The following DYNC1H1 variants were observed in gnomAD, a reference collection of about 807,000 sequenced individuals.
DYNC1H1 encodes cytoplasmic dynein 1 heavy chain 1.
A neutral mutation model predicts 527.1 loss-of-function variants in DYNC1H1; 51 were observed. The ratio of observed to expected loss-of-function variants is 0.10; its 90% confidence interval spans 0.08 to 0.12. The LOEUF (loss-of-function observed/expected upper bound fraction) is 0.12, where lower values mean the gene tolerates loss of function less well. DYNC1H1 is among the 10% of genes least tolerant of loss of function. The probability of loss-of-function intolerance (pLI) is 1.00; values close to 1 mark genes in which losing one functional copy is unlikely to be tolerated. For missense variants in DYNC1H1, 2,771 were observed against 5,971.8 expected (o/e 0.46, Z 17.66); for synonymous variants, 2,189 against 2,278.8 (o/e 0.96, Z 1.12).
In DYNC1H1 at chr14:101,997,237, A is replaced by G; in HGVS notation, c.3767A>G (p.Asp1256Gly). The change falls in exon 16 of 78, where the codon GAC (aspartate) becomes GGC (glycine). Residue 1256 changes from aspartate (D) to glycine (G), a missense_variant. This residue lies in a region of DYNC1H1 where 223 missense variants were observed against 462.5 expected (regional missense o/e 0.48). Transcript: ENST00000360184. The surrounding 1 kb of genome is among the most constrained non-coding windows in gnomAD (Gnocchi z 4.8). Reference sequence around the variant, plus strand: ...CGGGCCGTGGAAAGCCGCACCACCGACCTGCTGACTGACTGGGAGAAGACC... The same window carrying G: ...CGGGCCGTGGAAAGCCGCACCACCGGCCTGCTGACTGACTGGGAGAAGACC... The part of the protein sequence containing the change: ...EDRAVESRTT[D>G]LLTDWEKTKP... The G allele has an allele frequency of 1.9e-6, 3 of 1,613,940 alleles. No individual in the cohort carries two copies. Among genetic ancestry groups the G allele is most frequent in the Non-Finnish European group, 2.5e-6 (3 of 1,179,962 alleles).
chr14:102,040,813 G>A, intron 64 of DYNC1H1, 140 bp downstream of exon 64: 1 of 1,025,864 alleles, frequency 9.7e-7, no homozygotes, highest in Non-Finnish European at 1.5e-6. Context: ...TAAAACCTTA[G>A]CCAGGCGTGG....
intron 69 of DYNC1H1, 114 bp from the exon 70 acceptor site, chr14:102,043,761 C>T (rs17541582): frequency 0.026 from 37,222 of 1,451,180 alleles, 634 homozygotes; most frequent in Middle Eastern, 0.038. Flanking sequence ...AATCTGCTGC[C>T]ATCGTCAGGA....
rs1269645683 is a variant in DYNC1H1, at chr14:102,005,428, G to A, written c.5433+192G>A. On this transcript the variant is annotated intron_variant, in intron 26 of 77. Transcript: ENST00000360184. The surrounding 1 kb of genome is among the most constrained non-coding windows in gnomAD (Gnocchi z 4.0). ...GAAAGGTAATCTCAGGGGCATGCAG[G>A]GGTTACGCGACATCACGGTAGAGAG... Among the ~76,000 whole-genome samples the A allele has an allele frequency of 6.6e-6, 1 of 152,212 alleles. No homozygotes were observed. Among genetic ancestry groups the A allele is most frequent in the East Asian group, 1.9e-4 (1 of 5,196 alleles).
intron 2 of DYNC1H1, among the ~76,000 whole-genome samples, chr14:101,977,097 A>T (rs2047809686): frequency 6.6e-6 from 1 of 152,218 alleles, no homozygotes; most frequent in Admixed American, 6.5e-5. Flanking sequence ...TTTCATTATT[A>T]CAGATAACTA....
intron 69 of DYNC1H1, 127 bp from the exon 70 acceptor site, chr14:102,043,748 G>A: frequency 7.5e-7 from 1 of 1,327,108 alleles, no homozygotes. Context: ...CAGTACTCAT[G>A]TGAATCTGCT....
chr14:101,999,081 A>ACC (rs2048100981), intron 16 of DYNC1H1, among the ~76,000 whole-genome samples: 1 of 151,926 alleles, frequency 6.6e-6, no homozygotes, highest in East Asian at 1.9e-4. Flanking sequence ...ACGGGGTTTC[A>ACC]ATGTGTTAGC....
Position 101,964,877 on chromosome 14 carries a change from G to T in DYNC1H1, c.186G>T (p.Leu62=). 6.3e-7 allele frequency: 1 copy of T among 1,598,870 alleles called. No individual in the cohort carries two copies. The highest frequency in any genetic ancestry group is 1.1e-5 in the South Asian group (1 of 89,210). Residue 62 remains leucine, a synonymous_variant, in exon 1 of 78, where the codon CTG becomes CTT. Transcript: ENST00000360184. This position sits in a 1 kb window ranked among gnomAD's most constrained non-coding sequence, Gnocchi z 5.5. ...LEAALEEKSA[L]EQMRKFLSDP... is the part of the protein sequence containing the mutation. ...CGGCGCTGGAGGAGAAGAGCGCCCT[G>T]GAGCAGATGCGCAAGTTCCTTTCGG...
chr14:102,003,515 G>C (rs1457959403), intron 23 of DYNC1H1, among the ~76,000 whole-genome samples: 1 of 152,152 alleles, frequency 6.6e-6, no homozygotes, highest in Non-Finnish European at 1.5e-5. Flanking sequence ...GCTCACCTAA[G>C]TCACCTAAGT....
intron 73 of DYNC1H1, 26 bp from the exon 74 acceptor site, chr14:102,048,490 C>T (rs776960198): frequency 5.0e-5 from 80 of 1,613,960 alleles, no homozygotes; most frequent in Non-Finnish European, 5.2e-5. Context: ...TTCCTAACTT[C>T]TCTTCACCCT....
chr14:102,027,325 G>T lies in DYNC1H1; in HGVS notation c.8886+37G>T, dbSNP rs2048462210. The T allele has an allele frequency of 1.2e-6, 2 of 1,614,100 alleles. No individual in the cohort carries two copies. The highest frequency in any genetic ancestry group is 4.5e-5 in the East Asian group (2 of 44,868). ...CGGTGGCCTCTTAATCCCAGCAACAGATGTGTGTGCAGAGCTCAGTGAGTA... is the reference window on the plus strand; with the variant it reads ...CGGTGGCCTCTTAATCCCAGCAACATATGTGTGTGCAGAGCTCAGTGAGTA... On this transcript the variant is annotated intron_variant, in intron 45 of 77. Transcript: ENST00000360184. This position sits in a 1 kb window ranked among gnomAD's most constrained non-coding sequence, Gnocchi z 7.7.
At chr14:102,026,490 A>G in intron 43 of DYNC1H1, 84 bp from the exon 44 acceptor site, 3 of 1,450,856 alleles carry the variant, frequency 2.1e-6, no homozygotes, top group South Asian at 2.4e-5. Flanking sequence ...CAGTTTCTTC[A>G]TGGTATGTGG....
chr14:102,024,717 T>TG (rs1567015902), intron 43 of DYNC1H1, among the ~76,000 whole-genome samples: 1 of 135,248 alleles, frequency 7.4e-6, no homozygotes, highest in Non-Finnish European at 1.5e-5. Flanking sequence ...TTTTTGGAGA[T>TG]GGAGTCTCGC....
In DYNC1H1 at chr14:102,016,782, A is replaced by G. The variant is rs2048328326; in HGVS notation, c.7631A>G (p.Glu2544Gly). ...IIDYEVSISG[E>G]WSPWQAKVPQ... Reference sequence around the variant, plus strand: ...CGTGTGTAGGTGTCCATCAGCGGAGAATGGTCTCCGTGGCAGGCCAAGGTG... The same window carrying G: ...CGTGTGTAGGTGTCCATCAGCGGAGGATGGTCTCCGTGGCAGGCCAAGGTG... The change falls in exon 38 of 78, where the codon GAA becomes GGA. Residue 2544 changes from glutamate (E) to glycine (G), a missense_variant. Around this residue, in one of 32 missense-constraint regions of DYNC1H1, gnomAD observed 71 missense variants for 143.6 expected, o/e 0.49. Transcript: ENST00000360184. The surrounding 1 kb of genome is among the most constrained non-coding windows in gnomAD (Gnocchi z 7.3). 1 of 1,613,718 alleles carries G rather than the reference A, an allele frequency of 6.2e-7. No homozygotes were observed. Among genetic ancestry groups the G allele is most frequent in the African/African-American group, 1.3e-5 (1 of 74,934 alleles).
At chr14:102,021,052 A>G (rs1020770828) in intron 42 of DYNC1H1, among the ~76,000 whole-genome samples, 1 of 151,912 alleles carries the variant, frequency 6.6e-6, no homozygotes. Flanking sequence ...TATTGTTGCT[A>G]TGTCAGCTAC....
chr14:101,989,975 A>G (rs896393123), intron 10 of DYNC1H1, among the ~76,000 whole-genome samples: 4 of 152,216 alleles, frequency 2.6e-5, no homozygotes, highest in Admixed American at 2.0e-4. Context: ...AGTTGCCTAC[A>G]GTATTCAGTA....
rs559503159 is a variant in DYNC1H1, at chr14:102,030,123, C to T, written c.9763-39C>T. The stretch of plus-strand genomic sequence containing the variant: ...TTTAGAATTTAGTCAGCAAATTAAC[C>T]AATGCTTAACCCATACCTAAGCCAT... On this transcript the variant is annotated intron_variant, in intron 50 of 77. Coordinates refer to ENST00000360184, the MANE Select transcript of DYNC1H1 (RefSeq NM_001376.5). 7.4e-6 allele frequency: 12 copies of T among 1,613,658 alleles called. No homozygotes were observed. The South Asian group carries it at 1.3e-4, about 18-fold the overall frequency.
In DYNC1H1 at chr14:102,018,341, A is replaced by G; in HGVS notation, c.8178-110A>G. 6.7e-7 allele frequency: 1 copy of G among 1,483,606 alleles called. No individual in the cohort carries two copies. Among genetic ancestry groups the G allele is most frequent in the East Asian group, 2.5e-5 (1 of 40,588 alleles). 91.9% of individuals were successfully genotyped at this position (1,483,606 alleles called of 1,614,324 possible). On this transcript the variant is annotated intron_variant, in intron 40 of 77. Transcript: ENST00000360184. This position sits in a 1 kb window ranked among gnomAD's most constrained non-coding sequence, Gnocchi z 5.2. ...GATGTCAAGTCTGCATAGCTGGGTT[A>G]GGAAGCGACCTCCAGACAGGGCCCT... is the stretch of plus-strand genomic sequence containing the variant.
chr14:101,987,012 C>A (rs1412522825), intron 8 of DYNC1H1, among the ~76,000 whole-genome samples: 1 of 152,222 alleles, frequency 6.6e-6, no homozygotes, highest in Non-Finnish European at 1.5e-5. Flanking sequence ...AGGAGTCCAA[C>A]AGAGAGCAGA....
intron 11 of DYNC1H1, among the ~76,000 whole-genome samples, chr14:101,993,480 T>A (rs184327911): frequency 6.6e-6 from 1 of 152,268 alleles, no homozygotes; most frequent in African/African-American, 2.4e-5. Flanking sequence ...TTGCTTATTA[T>A]TTCTCTGACT....
Sources: allele counts gnomAD v4.1 joint callset (sites outside exome capture counted in the v4.1 genomes callset), GRCh38; gene constraint gnomAD v4.1.1; regional missense constraint gnomAD v4.1.1; non-coding constraint Gnocchi (gnomAD v3.1); transcripts MANE v1.5; gene names NCBI Gene and HGNC (gene_info 2026-07-23, HGNC 2026-07-21).